HNF4G: variants seen among roughly 807,000 people sequenced by gnomAD.
HNF4G encodes hepatocyte nuclear factor 4 gamma.
In HNF4G, 21 loss-of-function variants were observed where a neutral mutation model predicts 50.9. That is an observed-to-expected ratio of 0.41 (90% CI 0.29 to 0.59). The LOEUF (loss-of-function observed/expected upper bound fraction) is 0.59. Among genes scored for constraint, HNF4G ranks in the 20% least tolerant of loss-of-function variants. The pLI, the probability that HNF4G is intolerant of heterozygous loss-of-function variation, is 0.26. For missense variants in HNF4G, 527 were observed against 559.4 expected, an observed-to-expected ratio of 0.94 and a Z score of 0.58; for synonymous variants, 198 against 185.6, an observed-to-expected ratio of 1.07 and a Z score of -0.54.
At chr8:75,413,217 A>T (rs575504931) in intron 1 of HNF4G, among the ~76,000 whole-genome samples, 34 of 151,424 alleles carry the variant, frequency 2.2e-4, no homozygotes, top group African/African-American at 7.8e-4. Flanking sequence ...GGTTGAGTTA[A>T]GATTTTTTTT....
chr8:75,501,210 T>TG (rs1279324071), intron 2 of HNF4G, among the ~76,000 whole-genome samples: 1 of 152,000 alleles, frequency 6.6e-6, no homozygotes, highest in Non-Finnish European at 1.5e-5. Context: ...GAGGCCAATG[T>TG]GGGGGGATCA....
rs992755753 is a variant in HNF4G, at chr8:75,471,467, C to T, written c.-143-18622C>T. Among the ~76,000 whole-genome samples the T allele has an allele frequency of 2.0e-5, 3 of 152,058 alleles. No individual in the cohort carries two copies. The East Asian group carries it at 5.8e-4, about 29-fold the overall frequency. On this transcript the variant is annotated intron_variant, in intron 1 of 10. Transcript: ENST00000354370. ...TACATAGTTTGAATAGTTAAAATGA[C>T]GTCTTACATTGATAGAGTGTTTCAG...
At chr8:75,428,816 G>A (rs964987724) in intron 1 of HNF4G, among the ~76,000 whole-genome samples, 3 of 152,140 alleles carry the variant, frequency 2.0e-5, no homozygotes, top group African/African-American at 7.2e-5. Context: ...ATGTTGATGA[G>A]AAGCTACTGA....
intron 2 of HNF4G, among the ~76,000 whole-genome samples, chr8:75,519,329 G>T (rs915052298): frequency 3.9e-5 from 6 of 152,118 alleles, no homozygotes; most frequent in African/African-American, 1.4e-4. Flanking sequence ...ACATCTTCCT[G>T]TCTTCTTCTG....
intron 1 of HNF4G, among the ~76,000 whole-genome samples, chr8:75,417,064 A>C (rs1228262340): frequency 2.0e-5 from 3 of 152,098 alleles, no homozygotes; most frequent in Admixed American, 6.5e-5. Context: ...ATTTATTCCG[A>C]TTACTGTAGG....
Position 75,423,475 on chromosome 8 carries a change from G to A in HNF4G, c.-144+15313G>A, listed in dbSNP as rs903093577. 2.0e-5 allele frequency among the ~76,000 whole-genome samples: 3 copies of A among 148,960 alleles called. No individual in the cohort carries two copies. In the Admixed American group the frequency reaches 2.0e-4, roughly 10 times the overall value. Reference sequence around the variant, plus strand: ...AGCAATTCTTCTGCCTCATAACTCCGCCTCCCAGGTTCATGCCATTCTCCT... The same window carrying A: ...AGCAATTCTTCTGCCTCATAACTCCACCTCCCAGGTTCATGCCATTCTCCT... On this transcript the variant is annotated intron_variant, in intron 1 of 10. Coordinates refer to the HNF4G transcript ENST00000354370.
upstream of HNF4G, among the ~76,000 whole-genome samples, chr8:75,535,352 A>ATTT (rs10695174): frequency 0.02 from 3,081 of 150,904 alleles, 105 homozygotes; most frequent in African/African-American, 0.067. Context: ...AGGAAATATG[A>ATTT]TTTTTTTTTA....
chr8:75,427,549 C>A (rs991641566), intron 1 of HNF4G, among the ~76,000 whole-genome samples: 2 of 151,402 alleles, frequency 1.3e-5, no homozygotes, highest in Admixed American at 1.3e-4. Flanking sequence ...TGCACGCCAA[C>A]CTGGGTGACA....
intron 4 of HNF4G, 102 bp downstream of exon 4, chr8:75,551,596 TA>T: frequency 3.0e-6 from 2 of 663,324 alleles, no homozygotes. Context: ...TGCTCATTAC[TA>T]AAATAAGTTA....
At chr8:75,434,594 G>A (rs576048914) in intron 1 of HNF4G, among the ~76,000 whole-genome samples, 184 of 151,766 alleles carry the variant, frequency 1.2e-3, no homozygotes, top group African/African-American at 4.2e-3. Context: ...ATACAATAGC[G>A]AATGAAAAAT....
chr8:75,478,040 G>A (rs1360109444), intron 1 of HNF4G, among the ~76,000 whole-genome samples: 1 of 152,192 alleles, frequency 6.6e-6, no homozygotes, highest in African/African-American at 2.4e-5. Context: ...GGCCGGGTGT[G>A]GTGGCTCACG....
chr8:75,433,992 T>C (rs908842555), intron 1 of HNF4G, among the ~76,000 whole-genome samples: 1 of 150,898 alleles, frequency 6.6e-6, no homozygotes. Context: ...AAATAACTTA[T>C]GTTTCTTTTC....
intron 1 of HNF4G, among the ~76,000 whole-genome samples, chr8:75,431,907 C>A (rs1188702676): frequency 1.2e-4 from 18 of 150,070 alleles, no homozygotes; most frequent in Admixed American, 1.2e-3. Flanking sequence ...GCCTGGGCAA[C>A]AAGAGTGAAA....
intron 2 of HNF4G, among the ~76,000 whole-genome samples, chr8:75,507,818 T>C (rs1345692707): frequency 1.3e-5 from 2 of 152,256 alleles, no homozygotes; most frequent in East Asian, 1.9e-4. Flanking sequence ...AGCAGAGATG[T>C]GCAAAGTTTA....
chr8:75,563,406 G>A (rs1326834882), intron 9 of HNF4G, among the ~76,000 whole-genome samples: 13 of 144,438 alleles, frequency 9.0e-5, no homozygotes, highest in African/African-American at 1.1e-4. Context: ...AGGCAAGCTC[G>A]ATTGTAATAG....
chr8:75,545,919 C>T (rs1806765283), intron 2 of HNF4G, among the ~76,000 whole-genome samples: 1 of 151,906 alleles, frequency 6.6e-6, no homozygotes, highest in South Asian at 2.1e-4. Flanking sequence ...CAATCTGGTC[C>T]TCTCTCCTGA....
intron 7 of HNF4G, 47 bp from the exon 8 acceptor site, chr8:75,558,754 T>G: frequency 1.3e-6 from 2 of 1,579,360 alleles, no homozygotes; most frequent in Non-Finnish European, 1.7e-6. Context: ...TGTCTCACAC[T>G]GTAATTAGGT....
intron 2 of HNF4G, among the ~76,000 whole-genome samples, chr8:75,527,978 G>A (rs1159479392): frequency 6.6e-6 from 1 of 152,126 alleles, no homozygotes; most frequent in Non-Finnish European, 1.5e-5. Flanking sequence ...TCAATTTTTT[G>A]TCTTTCTGAA....
chr8:75,489,160 G>T (rs549013120), intron 1 of HNF4G, among the ~76,000 whole-genome samples: 10 of 152,316 alleles, frequency 6.6e-5, no homozygotes, highest in Non-Finnish European at 1.2e-4. Context: ...GAATGGTAAA[G>T]GTCCTGCCTT....
Sources: gnomAD v4.1 joint callset for allele counts (sites outside exome capture counted in the v4.1 genomes callset) on GRCh38, gnomAD v4.1.1 for gene constraint, MANE v1.5 for transcripts, NCBI Gene and HGNC (gene_info 2026-07-23, HGNC 2026-07-21) for gene names.